The following ZNF107 variants were observed in gnomAD, a reference collection of about 807,000 sequenced individuals.
The protein encoded by ZNF107 is C2H2 type zinc-finger protein.
In ZNF107, 19 loss-of-function variants were observed where a neutral mutation model predicts 12.3. The observed-to-expected ratio is 1.55, with a 90% CI of 1.08 to 2.27. ZNF107 has a LOEUF of 2.27. ZNF107 is among the 30% of genes most tolerant of loss of function. The probability of loss-of-function intolerance (pLI) is 0.00; values close to 1 mark genes in which losing one functional copy is unlikely to be tolerated. For missense variants in ZNF107, 958 were observed against 979.9 expected (o/e 0.98, Z 0.30); for synonymous variants, 317 against 330.5 (o/e 0.96, Z 0.44).
rs1790876597 is a variant in ZNF107, at chr7:64,711,193, G to C, written c.*2537G>C. 1 of 152,080 alleles carries C rather than the reference G, an allele frequency of 6.6e-6. No individual in the cohort carries two copies. The highest frequency in any genetic ancestry group is 2.4e-5 in the African/African-American group (1 of 41,416). 9.4% of individuals were successfully genotyped at this position (152,080 alleles called of 1,614,324 possible). ...AGTATACTACTTGATAACATAATGG[G>C]CTAACATCTCTAATAATTATTTTTG... On this transcript the variant is annotated 3_prime_UTR_variant, in exon 4 of 4. Coordinates refer to ENST00000620827, the MANE Select transcript of ZNF107 (RefSeq NM_001282359.2).
In ZNF107 at chr7:64,691,881, G is replaced by A; in HGVS notation, c.147G>A (p.Lys49=). ...NLVFLGIAVS[K]PYLITCLEQK... is the part of the protein sequence containing the mutation. ...ATAAAACAGGTATTGCTGTCTCTAA[G>A]CCATATCTGATCACCTGTCTGGAGC... The change falls in exon 3 of 4, where the codon AAG becomes AAA. Residue 49 remains lysine (K), a synonymous_variant. Transcript: ENST00000620827. The A allele has an allele frequency of 6.7e-7, 1 of 1,487,686 alleles. No individual in the cohort carries two copies. Among genetic ancestry groups the A allele is most frequent in the South Asian group, 1.4e-5 (1 of 72,054 alleles). The allele number at this position is 1,487,686 out of a possible 1,614,324, so 92.2% of individuals were successfully genotyped here.
At chr7:64,687,144 C>T (rs141089954) in intron 1 of ZNF107, 84 of 985,592 alleles carry the variant, frequency 8.5e-5, no homozygotes, top group African/African-American at 1.7e-5. Flanking sequence ...TCAGAGTGAG[C>T]TGTTTTTCTC....
intron 1 of ZNF107, among the ~76,000 whole-genome samples, chr7:64,676,957 A>G (rs1584465761): frequency 6.6e-6 from 1 of 152,188 alleles, no homozygotes; most frequent in East Asian, 1.9e-4. Flanking sequence ...TGAGCCAGAC[A>G]AAGGCATGAA....
intron 1 of ZNF107, among the ~76,000 whole-genome samples, chr7:64,670,946 A>C (rs1322310185): frequency 1.3e-5 from 2 of 152,198 alleles, no homozygotes; most frequent in Non-Finnish European, 2.9e-5. Flanking sequence ...TGGCATCTGC[A>C]GTGAGGACAG....
At chr7:64,686,957 C>T in intron 1 of ZNF107, 17 of 985,402 alleles carry the variant, frequency 1.7e-5, no homozygotes, top group Non-Finnish European at 2.0e-5. Flanking sequence ...TGAGAATATG[C>T]CCCCCGTTAT....
intron 1 of ZNF107, chr7:64,690,297 T>C (rs2128962529): frequency 2.2e-6 from 2 of 897,630 alleles, no homozygotes; most frequent in Non-Finnish European, 2.7e-6. Context: ...AAATGGCTAA[T>C]TAGTATATTT....
chr7:64,709,902 A>G lies in ZNF107; in HGVS notation c.*1246A>G, dbSNP rs1304898866. ...CACTTTGGGAGGCCAAGGTGGGTGG[A>G]TCACCTGAGGGCAGGAGTCTGAGAC... On this transcript the variant is annotated 3_prime_UTR_variant, in exon 4 of 4. Coordinates refer to ENST00000620827, the MANE Select transcript of ZNF107 (RefSeq NM_001282359.2). The G allele has an allele frequency of 2.9e-6, 1 of 348,864 alleles. No homozygotes were observed. The highest frequency in any genetic ancestry group is 2.2e-5 in the African/African-American group (1 of 44,620). The allele number at this position is 348,864 out of a possible 1,614,324, so 21.6% of individuals were successfully genotyped here.
In ZNF107 at chr7:64,710,984, A is replaced by G. The variant is rs1790869455; in HGVS notation, c.*2328A>G. 1.3e-5 allele frequency: 2 copies of G among 152,162 alleles called. No individual in the cohort carries two copies. 9.4% of individuals were successfully genotyped at this position (152,162 alleles called of 1,614,324 possible). On this transcript the variant is annotated 3_prime_UTR_variant, in exon 4 of 4. Coordinates refer to ENST00000620827, the MANE Select transcript of ZNF107 (RefSeq NM_001282359.2). ...AAGTGAATTAGTAGTATATCATTTTACTATTTGTACTTTTATGTAATAAAA... is the reference window on the plus strand; with the variant it reads ...AAGTGAATTAGTAGTATATCATTTTGCTATTTGTACTTTTATGTAATAAAA...
chr7:64,709,324 C>G lies in ZNF107; in HGVS notation c.*668C>G, dbSNP rs1790808361. On this transcript the variant is annotated 3_prime_UTR_variant, in exon 4 of 4. Coordinates refer to ENST00000620827, the MANE Select transcript of ZNF107 (RefSeq NM_001282359.2). ...GTAAAAAACGTGGCAATGCCTTTAACTGGTCCTCACACCTTGCTACATATA... is the reference window on the plus strand; with the variant it reads ...GTAAAAAACGTGGCAATGCCTTTAAGTGGTCCTCACACCTTGCTACATATA... The G allele has an allele frequency of 1.2e-5, 4 of 342,936 alleles. No individual in the cohort carries two copies. Among genetic ancestry groups the G allele is most frequent in the Non-Finnish European group, 2.3e-5 (4 of 175,876 alleles). The allele number at this position is 342,936 out of a possible 1,614,324, so 21.2% of individuals were successfully genotyped here. A position where few individuals can be genotyped will look rare whatever the true frequency, so the allele number is the denominator to read the frequency against.
chr7:64,700,506 C>CGTTTTTTTTTTTTTTTTTTTTTTTT (rs368830901), intron 3 of ZNF107, among the ~76,000 whole-genome samples: 1 of 66,226 alleles, frequency 1.5e-5, no homozygotes, highest in African/African-American at 6.2e-5. Context: ...CCAAATAAAC[C>CGTTTTTTTTTTTTTTTTTTTTTTTT]TTTTTTTTTT....
intron 1 of ZNF107, among the ~76,000 whole-genome samples, chr7:64,670,394 A>G (rs2128955589): frequency 6.6e-6 from 1 of 152,322 alleles, no homozygotes; most frequent in African/African-American, 2.4e-5. Flanking sequence ...GAAGTCATCA[A>G]GTCTTTAGGA....
intron 3 of ZNF107, among the ~76,000 whole-genome samples, chr7:64,702,880 T>C (rs761732008): frequency 6.6e-6 from 1 of 152,196 alleles, no homozygotes; most frequent in Middle Eastern, 3.2e-3. Flanking sequence ...TTGGGAAGTC[T>C]TTATTTATAT....
At chr7:64,671,175 A>C (rs893615685) in intron 1 of ZNF107, among the ~76,000 whole-genome samples, 5 of 152,090 alleles carry the variant, frequency 3.3e-5, no homozygotes, top group Non-Finnish European at 1.5e-5. Flanking sequence ...CACACTGCCC[A>C]TTGTCCTGTG....
At chr7:64,677,774 C>T (rs995348057) in intron 1 of ZNF107, among the ~76,000 whole-genome samples, 2 of 146,712 alleles carry the variant, frequency 1.4e-5, no homozygotes, top group Non-Finnish European at 3.0e-5. Flanking sequence ...ATGGTGTGAA[C>T]CCGCAAGGCG....
chr7:64,709,614 G>C lies in ZNF107; in HGVS notation c.*958G>C. On this transcript the variant is annotated 3_prime_UTR_variant, in exon 4 of 4. Transcript: ENST00000620827. ...GAATCCATACTGAAGAAAACTCCTGGAAGTGTAAAAAATGTGGCAACACTT... is the reference window on the plus strand; with the variant it reads ...GAATCCATACTGAAGAAAACTCCTGCAAGTGTAAAAAATGTGGCAACACTT... 1 of 437,918 alleles carries C rather than the reference G, an allele frequency of 2.3e-6. No individual in the cohort carries two copies. The allele number at this position is 437,918 out of a possible 1,614,324, so 27.1% of individuals were successfully genotyped here.
chr7:64,687,267 C>T, intron 1 of ZNF107: 1 of 985,982 alleles, frequency 1.0e-6, no homozygotes, highest in South Asian at 4.7e-5. Flanking sequence ...TGGACTCATG[C>T]TGGAAATCCA....
At chr7:64,699,392 T>G (rs1475502164) in intron 3 of ZNF107, among the ~76,000 whole-genome samples, 1 of 152,152 alleles carries the variant, frequency 6.6e-6, no homozygotes, top group Non-Finnish European at 1.5e-5. Context: ...AAACATGGAA[T>G]GTATGATTTT....
In ZNF107 at chr7:64,707,803, A is replaced by G; in HGVS notation, c.1706A>G (p.Glu569Gly). The change falls in exon 4 of 4, where the codon GAA becomes GGA. Residue 569 changes from glutamate (E) to glycine (G), a missense_variant. Transcript: ENST00000620827. ...HTGEKPYKCE[E>G]CGKAFNQSYQ... ...GGAGAAAAACCCTATAAATGTGAAG[A>G]ATGTGGAAAAGCCTTTAATCAATCC... 1 of 1,612,036 alleles carries G rather than the reference A, an allele frequency of 6.2e-7. No individual in the cohort carries two copies. The highest frequency in any genetic ancestry group is 8.5e-7 in the Non-Finnish European group (1 of 1,179,422).
chr7:64,699,345 T>C (rs1790393360), intron 3 of ZNF107, among the ~76,000 whole-genome samples: 1 of 152,182 alleles, frequency 6.6e-6, no homozygotes, highest in South Asian at 2.1e-4. Flanking sequence ...AGCTTTACTT[T>C]TGCTTTTAAT....
Sources: allele counts gnomAD v4.1 joint callset (sites outside exome capture counted in the v4.1 genomes callset), GRCh38; gene constraint gnomAD v4.1.1; transcripts MANE v1.5; gene names NCBI Gene and HGNC (gene_info 2026-07-23, HGNC 2026-07-21).